RS1: variants seen among roughly 807,000 people sequenced by gnomAD.
RS1 encodes retinoschisin 1.
A neutral mutation model predicts 20.8 loss-of-function variants in RS1; 2 were observed. The ratio of observed to expected loss-of-function variants is 0.10; its 90% CI spans 0.04 to 0.30. The LOEUF is 0.30. Ranked by LOEUF, RS1 falls within the 10% of genes least tolerant of loss-of-function variation. RS1 has a pLI of 1.00. For synonymous variants in RS1, 70 were observed against 75.8 expected (o/e 0.92, Z 0.40); for missense variants, 151 against 189.8 (o/e 0.80, Z 1.20).
intron 1 of RS1, among the ~76,000 whole-genome samples, chrX:18,669,764 G>A (rs58093114): frequency 0.02 from 2,259 of 112,007 alleles, 61 homozygotes; most frequent in African/African-American, 0.066. Flanking sequence ...TTCAGTGATT[G>A]TGTCCTCTGT....
Position 18,640,168 on chromosome X carries a change from A to T in RS1, c.*1836T>A, listed in dbSNP as rs767137401. On this transcript the variant is annotated 3_prime_UTR_variant, in exon 6 of 6. Coordinates refer to ENST00000379984, the MANE Select transcript of RS1 (RefSeq NM_000330.4). ...AATTGTATGTGAACTTAATCTCAAT[A>T]AAGCCGTGACAAAAGTTTCCAACAT... 1.3e-4 allele frequency: 15 copies of T among 111,672 alleles called. No individual in the cohort carries two copies. In the East Asian group the frequency reaches 4.3e-3, roughly 32 times the overall value. The allele number at this position is 111,672 out of a possible 1,213,427, so 9.2% of individuals were successfully genotyped here.
rs371877542 is a variant in RS1, at chrX:18,663,023, G to A, written c.53-5358C>T. Among the ~76,000 whole-genome samples the A allele has an allele frequency of 6.4e-4, 65 of 101,145 alleles. 1 individual carries two copies. The highest frequency in any genetic ancestry group is 5.1e-3 in the Middle Eastern group (1 of 196). The allele number at this position is 101,145 out of a possible 115,157, so 87.8% of individuals were successfully genotyped here. On this transcript the variant is annotated intron_variant, in intron 1 of 5. Transcript: ENST00000379984. Reference sequence around the variant, plus strand: ...TGATGGACGTTTGGGTTGGTTCCAAGAACAATGACTTTTTTTTTTTTTTTT... The same window carrying A: ...TGATGGACGTTTGGGTTGGTTCCAAAAACAATGACTTTTTTTTTTTTTTTT...
Position 18,639,803 on chromosome X carries a change from A to G in RS1, c.*2201T>C, listed in dbSNP as rs922081979. ...TGTGCTCTTGACATGATACTGAACA[A>G]TGATGTTCAGCAATAAAAAGGAGTG... On this transcript the variant is annotated 3_prime_UTR_variant, in exon 6 of 6. Coordinates refer to ENST00000379984, the MANE Select transcript of RS1 (RefSeq NM_000330.4). 2 of 112,608 alleles carry G rather than the reference A, an allele frequency of 1.8e-5. No individual in the cohort carries two copies. The highest frequency in any genetic ancestry group is 6.5e-5 in the African/African-American group (2 of 30,995). 9.3% of individuals were successfully genotyped at this position (112,608 alleles called of 1,213,427 possible). A position where few individuals can be genotyped will look rare whatever the true frequency, so the allele number is the denominator to read the frequency against.
chrX:18,651,308 A>C (rs1928038257), intron 3 of RS1, among the ~76,000 whole-genome samples: 1 of 109,317 alleles, frequency 9.1e-6, no homozygotes, highest in Admixed American at 9.9e-5. Flanking sequence ...ACAGAGAGAG[A>C]CAGAGAGGGA....
At chrX:18,650,780 A>G (rs901031817) in intron 3 of RS1, among the ~76,000 whole-genome samples, 1 of 112,463 alleles carries the variant, frequency 8.9e-6, no homozygotes, top group South Asian at 3.6e-4. Flanking sequence ...CGTCCAGCCA[A>G]TGACACCTGG....
intron 3 of RS1, among the ~76,000 whole-genome samples, chrX:18,652,054 C>A (rs1269547032): frequency 3.6e-5 from 4 of 110,691 alleles, no homozygotes; most frequent in African/African-American, 1.3e-4. Flanking sequence ...TGTCACGCAC[C>A]CCTCCTCCTC....
At chrX:18,654,634 G>A (rs746864866) in intron 3 of RS1, among the ~76,000 whole-genome samples, 36 of 111,322 alleles carry the variant, frequency 3.2e-4, no homozygotes, top group African/African-American at 1.2e-3. Context: ...TATTAATGAG[G>A]GTGCGTCAGT....
Position 18,641,861 on chromosome X carries a change from A to T in RS1, c.*143T>A. The T allele has an allele frequency of 6.7e-6, 4 of 593,499 alleles. No homozygotes were observed. The highest frequency in any genetic ancestry group is 1.0e-5 in the Non-Finnish European group (4 of 382,625). 48.9% of individuals were successfully genotyped at this position (593,499 alleles called of 1,213,427 possible). A position where few individuals can be genotyped will look rare whatever the true frequency, so the allele number is the denominator to read the frequency against. The stretch of plus-strand genomic sequence containing the variant: ...TGAAATCAGAAAGCTATATCTTAAA[A>T]AAAAAAAAATTATCTACCCAGCACT... On this transcript the variant is annotated 3_prime_UTR_variant, in exon 6 of 6. Coordinates refer to ENST00000379984, the MANE Select transcript of RS1 (RefSeq NM_000330.4).
intron 3 of RS1, chrX:18,650,712 G>C: frequency 1.2e-6 from 1 of 843,957 alleles, no homozygotes; most frequent in Non-Finnish European, 1.7e-6. Context: ...TCATTGGCCT[G>C]GGCATGGGGA....
intron 3 of RS1, among the ~76,000 whole-genome samples, chrX:18,653,964 T>C (rs1232180763): frequency 9.5e-6 from 1 of 105,723 alleles, no homozygotes; most frequent in East Asian, 2.9e-4. Flanking sequence ...TGAGATTCCG[T>C]CTCAAAAAAA....
At chrX:18,644,297 G>A in intron 5 of RS1, 133 bp downstream of exon 5, 1 of 598,745 alleles carries the variant, frequency 1.7e-6, no homozygotes, top group Non-Finnish European at 2.9e-6. Context: ...AGCACATTGT[G>A]GGGGAAAGCG....
intron 1 of RS1, among the ~76,000 whole-genome samples, chrX:18,669,483 T>G (rs752825900): frequency 6.7e-4 from 27 of 40,300 alleles, no homozygotes; most frequent in Non-Finnish European, 1.4e-3. Context: ...AAGAGTGAAA[T>G]TCTCAAAAAA....
At chrX:18,649,792 C>T in intron 3 of RS1, among the ~76,000 whole-genome samples, 1 of 112,058 alleles carries the variant, frequency 8.9e-6, no homozygotes, top group Non-Finnish European at 1.9e-5. Context: ...CCTGCGGACT[C>T]GAGGGCTCCT....
intron 3 of RS1, among the ~76,000 whole-genome samples, chrX:18,655,897 C>T (rs1231893737): frequency 4.5e-5 from 5 of 110,479 alleles, no homozygotes; most frequent in Admixed American, 2.0e-4. Flanking sequence ...GCCAGGATTC[C>T]AGCCCTCATC....
chrX:18,642,281 C>A (rs1284849198), intron 5 of RS1, 125 bp from the exon 6 acceptor site: 3 of 713,968 alleles, frequency 4.2e-6, no homozygotes. Context: ...AAGCAGTTTG[C>A]GGGTGCCCCC....
intron 4 of RS1, among the ~76,000 whole-genome samples, chrX:18,646,986 G>A (rs190045136): frequency 1.3e-4 from 14 of 108,609 alleles, no homozygotes; most frequent in East Asian, 2.9e-4. Context: ...GTGTGATCTC[G>A]GCTCACTGTA....
At chrX:18,670,687 C>T (rs754131302) in intron 1 of RS1, among the ~76,000 whole-genome samples, 3 of 111,100 alleles carry the variant, frequency 2.7e-5, no homozygotes, top group Non-Finnish European at 5.7e-5. Context: ...AGATCTAAGC[C>T]TTGAAAGAGT....
chrX:18,648,636 G>T (rs1170050199), intron 3 of RS1, among the ~76,000 whole-genome samples: 1 of 112,045 alleles, frequency 8.9e-6, no homozygotes, highest in Non-Finnish European at 1.9e-5. Flanking sequence ...TTTGCAGTTA[G>T]AAGTGCCCAG....
chrX:18,644,769 T>A (rs1927714121), intron 4 of RS1, 144 bp from the exon 5 acceptor site: 1 of 546,339 alleles, frequency 1.8e-6, no homozygotes, highest in Non-Finnish European at 3.1e-6. Context: ...CTGAGCCTTG[T>A]CTCCTAGGAA....
Sources: gnomAD v4.1 joint callset for allele counts (sites outside exome capture counted in the v4.1 genomes callset) on GRCh38, gnomAD v4.1.1 for gene constraint, MANE v1.5 for transcripts, NCBI Gene and HGNC (gene_info 2026-07-23, HGNC 2026-07-21) for gene names.